WWTR1: variants seen among roughly 807,000 people sequenced by gnomAD.
WWTR1 encodes WW domain-containing transcription regulator protein 1.
Under a neutral mutation model 40.1 loss-of-function variants are expected in WWTR1, and 13 were observed. That is an observed-to-expected ratio of 0.32 (90% CI 0.21 to 0.52). The LOEUF is 0.52. Ranked by LOEUF, WWTR1 falls within the 20% of genes least tolerant of loss-of-function variation. The pLI, the probability that WWTR1 is intolerant of heterozygous loss-of-function variation, is 0.97. For synonymous variants in WWTR1, 230 were observed against 210.1 expected (o/e 1.09, Z -0.82); for missense variants, 436 against 523.1 (o/e 0.83, Z 1.63).
At chr3:149,581,621 C>T (rs1357012028) in intron 2 of WWTR1, among the ~76,000 whole-genome samples, 1 of 152,190 alleles carries the variant, frequency 6.6e-6, no homozygotes, top group Non-Finnish European at 1.5e-5. Flanking sequence ...CCGGTCTCTA[C>T]CATTCACTTG....
intron 3 of WWTR1, among the ~76,000 whole-genome samples, chr3:149,559,144 A>G (rs1736972850): frequency 6.6e-6 from 1 of 151,884 alleles, no homozygotes; most frequent in Admixed American, 6.6e-5. Flanking sequence ...AAATACAAAA[A>G]TTTGCCAGGC....
Position 149,545,809 on chromosome 3 carries a change from C to A in WWTR1, c.569-3272G>T, listed in dbSNP as rs1486742795. Among the ~76,000 whole-genome samples, 6 of 152,218 alleles carry A rather than the reference C, an allele frequency of 3.9e-5. No individual in the cohort carries two copies. The East Asian group carries it at 9.6e-4, about 24-fold the overall frequency. ...GTGCTGGGATTACAGGCATGAGCCA[C>A]CGCGCCCAGCCCTATGTTAATTTTT... On this transcript the variant is annotated intron_variant, in intron 3 of 6. Transcript: ENST00000360632.
intron 2 of WWTR1, among the ~76,000 whole-genome samples, chr3:149,647,718 T>C (rs1352512427): frequency 6.6e-6 from 1 of 152,216 alleles, no homozygotes; most frequent in Non-Finnish European, 1.5e-5. Flanking sequence ...AAGACCATAA[T>C]TTCCAGACTC....
intron 2 of WWTR1, among the ~76,000 whole-genome samples, chr3:149,607,917 G>T (rs192185100): frequency 6.6e-6 from 1 of 152,142 alleles, no homozygotes; most frequent in African/African-American, 2.4e-5. Flanking sequence ...TGAAAAGTAC[G>T]AATAAAACCA....
At chr3:149,608,142 TTTA>T (rs1739569446) in intron 2 of WWTR1, among the ~76,000 whole-genome samples, 1 of 152,190 alleles carries the variant, frequency 6.6e-6, no homozygotes. Flanking sequence ...TTCATATACA[TTTA>T]TTATTTTTAA....
chr3:149,534,916 G>A (rs768174170), intron 4 of WWTR1, among the ~76,000 whole-genome samples: 3 of 152,182 alleles, frequency 2.0e-5, no homozygotes, highest in Admixed American at 6.5e-5. Flanking sequence ...TGAGCTGAAG[G>A]TGTCCCAGGA....
At chr3:149,701,955 TAA>T (rs35920602) in intron 1 of WWTR1, 15,330 of 176,054 alleles carry the variant, frequency 0.087, 870 homozygotes, top group African/African-American at 0.16. Flanking sequence ...TTTCTATAGT[TAA>T]GTTGGTTTTA....
At chr3:149,660,536 T>C (rs560739968), upstream of WWTR1, among the ~76,000 whole-genome samples, 29 of 152,256 alleles carry the variant, frequency 1.9e-4, no homozygotes, top group Non-Finnish European at 2.9e-4. Context: ...ATTCAAAAGA[T>C]TTGCTGTTGT....
intron 3 of WWTR1, among the ~76,000 whole-genome samples, chr3:149,548,390 T>C (rs1411523314): frequency 6.6e-6 from 1 of 152,242 alleles, no homozygotes; most frequent in Non-Finnish European, 1.5e-5. Context: ...CCTCCTGGAA[T>C]GTTTCACAAA....
At chr3:149,711,397 A>G (rs564702243) in intron 5 of WWTR1, among the ~76,000 whole-genome samples, 2 of 152,332 alleles carry the variant, frequency 1.3e-5, no homozygotes, top group African/African-American at 4.8e-5. Context: ...AAAATAATAA[A>G]TAATTCTACT....
chr3:149,613,495 T>A (rs946395991), intron 2 of WWTR1, among the ~76,000 whole-genome samples: 6 of 152,146 alleles, frequency 3.9e-5, no homozygotes, highest in African/African-American at 1.4e-4. Flanking sequence ...ATACAGCCAA[T>A]CTCCACTCCC....
intron 2 of WWTR1, among the ~76,000 whole-genome samples, chr3:149,609,052 A>G (rs193214002): frequency 4.6e-5 from 7 of 152,228 alleles, no homozygotes; most frequent in African/African-American, 1.4e-4. Flanking sequence ...CTGGGTAGCA[A>G]AGTGAGACCT....
chr3:149,639,015 C>T (rs932191419), intron 2 of WWTR1, among the ~76,000 whole-genome samples: 1 of 152,182 alleles, frequency 6.6e-6, no homozygotes, highest in African/African-American at 2.4e-5. Flanking sequence ...CAGATACTTT[C>T]TCTTTGGGCT....
rs562269183 is a variant in WWTR1 at position 149,590,518 on chromosome 3, C to T, written c.432-17518G>A. Among the ~76,000 whole-genome samples the T allele has an allele frequency of 4.9e-4, 74 of 152,118 alleles. 1 individual carries two copies. The highest frequency in any genetic ancestry group is 8.2e-4 in the Non-Finnish European group (56 of 67,998). On this transcript the variant is annotated intron_variant, in intron 2 of 6. Coordinates refer to ENST00000360632, the MANE Select transcript of WWTR1 (RefSeq NM_015472.6). ...TACAAAAATTCACCAGGCATGGTGGCGGGTGTAATCCCAGCTACTCGAGAG... is the reference window on the plus strand; with the variant it reads ...TACAAAAATTCACCAGGCATGGTGGTGGGTGTAATCCCAGCTACTCGAGAG...
chr3:149,562,488 C>T (rs1330919608), intron 3 of WWTR1, among the ~76,000 whole-genome samples: 4 of 151,960 alleles, frequency 2.6e-5, no homozygotes, highest in African/African-American at 9.7e-5. Context: ...TGCCAATCAG[C>T]ATTTTCTACA....
chr3:149,657,168 T>G lies in WWTR1; in HGVS notation c.139A>C (p.Ile47Leu). 6.2e-6 allele frequency: 10 copies of G among 1,608,566 alleles called. No individual in the cohort carries two copies. The highest frequency in any genetic ancestry group is 7.6e-6 in the Non-Finnish European group (9 of 1,178,024). ...TCCTTAAAGAAAGACTCCGGCAGGA[T>G]CTTCTTCCGCCACGAGCTAGGCTTC... ...NPKPSSWRKK[I>L]LPESFFKEPD... Residue 47 changes from isoleucine to leucine, a missense_variant, in exon 2 of 7, where the codon ATC becomes CTC. Coordinates refer to ENST00000360632, the MANE Select transcript of WWTR1 (RefSeq NM_015472.6).
intron 2 of WWTR1, among the ~76,000 whole-genome samples, chr3:149,641,587 G>C (rs938836730): frequency 6.6e-6 from 1 of 152,080 alleles, no homozygotes; most frequent in African/African-American, 2.4e-5. Context: ...ACTTCACTAC[G>C]GCTAATAATT....
Position 149,569,867 on chromosome 3 carries a change from G to T in WWTR1, c.568+2997C>A, listed in dbSNP as rs184747500. On this transcript the variant is annotated intron_variant, in intron 3 of 6. Coordinates refer to ENST00000360632, the MANE Select transcript of WWTR1 (RefSeq NM_015472.6). ...TTTTTCTAGTTTTTAAGAGTTGGGG[G>T]TCTCACTATGTTGCCCAGGCTGGCC... Among the ~76,000 whole-genome samples the T allele has an allele frequency of 3.6e-3, 548 of 152,234 alleles. 2 individuals carry two copies. The highest frequency in any genetic ancestry group is 5.7e-3 in the Non-Finnish European group (386 of 68,020).
At chr3:149,527,007 T>C (rs994759372) in intron 5 of WWTR1, among the ~76,000 whole-genome samples, 10 of 152,228 alleles carry the variant, frequency 6.6e-5, no homozygotes, top group African/African-American at 2.2e-4. Flanking sequence ...AGCGTTCCCA[T>C]GTACCCTTCA....
Sources: allele counts gnomAD v4.1 joint callset (sites outside exome capture counted in the v4.1 genomes callset), GRCh38; gene constraint gnomAD v4.1.1; transcripts MANE v1.5; gene names NCBI Gene and HGNC (gene_info 2026-07-23, HGNC 2026-07-21).